Variants in LDLRAD4 observed in about 807,000 individuals in gnomAD.
The protein encoded by LDLRAD4 is low density lipoprotein receptor class A domain containing 4.
In LDLRAD4, 5 loss-of-function variants were observed where a neutral mutation model predicts 17.0. That is an observed-to-expected ratio of 0.29 (90% CI 0.15 to 0.62). The LOEUF is 0.62. LDLRAD4 is among the 20% of genes least tolerant of loss of function. LDLRAD4 has a pLI of 0.84. For synonymous variants in LDLRAD4, 168 were observed against 171.8 expected, an observed-to-expected ratio of 0.98 and a Z score of 0.17; for missense variants, 340 against 424.7, an observed-to-expected ratio of 0.80 and a Z score of 1.75.
chr18:13,443,293 A>G (rs901969023), intron 3 of LDLRAD4, among the ~76,000 whole-genome samples: 4 of 152,170 alleles, frequency 2.6e-5, no homozygotes, highest in African/African-American at 2.4e-5. Context: ...TGTAGGCACC[A>G]AGCTATGACT....
At chr18:13,595,728 G>C (rs1323298141) in intron 3 of LDLRAD4, among the ~76,000 whole-genome samples, 1 of 152,038 alleles carries the variant, frequency 6.6e-6, no homozygotes, top group African/African-American at 2.4e-5. Context: ...TTTTCTTTCT[G>C]TTATGATTTC....
At chr18:13,246,221 T>C (rs1052804654) in intron 1 of LDLRAD4, among the ~76,000 whole-genome samples, 4 of 152,080 alleles carry the variant, frequency 2.6e-5, no homozygotes, top group Non-Finnish European at 5.9e-5. Flanking sequence ...CTCCAGAGGT[T>C]TGGGTGGTCT....
At chr18:13,643,366 G>A (rs2042774324) in exon 5 of LDLRAD4, 2 of 1,451,082 alleles carry the variant, frequency 1.4e-6, no homozygotes, top group Non-Finnish European at 1.8e-6. Flanking sequence ...CAGGAAGGGT[G>A]CCTGTGGCCT....
intron 1 of LDLRAD4, among the ~76,000 whole-genome samples, chr18:13,341,029 A>G (rs988799220): frequency 1.3e-5 from 2 of 152,042 alleles, no homozygotes; most frequent in African/African-American, 4.8e-5. Context: ...AAATTGTTGT[A>G]TTGTATCTGT....
intron 3 of LDLRAD4, among the ~76,000 whole-genome samples, chr18:13,571,576 C>T (rs2094691159): frequency 6.6e-6 from 1 of 152,182 alleles, no homozygotes. Flanking sequence ...TGATACAATG[C>T]ATAGGCCAGT....
At chr18:13,495,941 C>T (rs952050060) in intron 3 of LDLRAD4, among the ~76,000 whole-genome samples, 7 of 152,300 alleles carry the variant, frequency 4.6e-5, no homozygotes, top group South Asian at 2.1e-4. Flanking sequence ...TTTCTTCCCA[C>T]GGATTTTTCA....
chr18:13,646,625 C>T (rs1375747960), exon 6 of LDLRAD4: 3 of 152,588 alleles, frequency 2.0e-5, no homozygotes, highest in Admixed American at 6.5e-5. Flanking sequence ...CAGTGCTGCC[C>T]TCATCCTCCA....
chr18:13,524,117 G>A (rs986380228), intron 3 of LDLRAD4, among the ~76,000 whole-genome samples: 2 of 152,190 alleles, frequency 1.3e-5, no homozygotes, highest in Admixed American at 6.5e-5. Context: ...CTTCCAGGTC[G>A]GGACCCCCGA....
At chr18:13,320,808 A>G (rs761952537) in intron 1 of LDLRAD4, among the ~76,000 whole-genome samples, 2 of 152,144 alleles carry the variant, frequency 1.3e-5, no homozygotes, top group African/African-American at 4.8e-5. Context: ...GAGTGTCACA[A>G]ATGCCCATGG....
intron 3 of LDLRAD4, among the ~76,000 whole-genome samples, chr18:13,610,305 T>TTTTTTTTTTTCTA (rs1491536129): frequency 1.2e-4 from 3 of 24,328 alleles, no homozygotes; most frequent in East Asian, 9.0e-4. Context: ...TTTTTTTTTT[T>TTTTTTTTTTTCTA]GAGACGGAGT....
rs755496113 is a variant in LDLRAD4, at chr18:13,609,518, C to CGT, written c.182-11589_182-11588dup. Among the ~76,000 whole-genome samples the CGT allele has an allele frequency of 8.7e-3, 1,021 of 117,498 alleles. 5 individuals carry two copies. The highest frequency in any genetic ancestry group is 0.03 in the African/African-American group (913 of 30,916). 77.1% of individuals were successfully genotyped at this position (117,498 alleles called of 152,430 possible). A position where few individuals can be genotyped will look rare whatever the true frequency, so the allele number is the denominator to read the frequency against. ...GACACCCACAGGAGCGCTCATTATG[C>CGT]GTGTGTGTGTGCGTGTGTGTGTGTG... On this transcript the variant is annotated intron_variant, in intron 3 of 5. Coordinates refer to ENST00000359446, the Ensembl canonical transcript of LDLRAD4.
intron 4 of LDLRAD4, chr18:13,642,146 T>A: frequency 3.0e-6 from 3 of 985,490 alleles, no homozygotes; most frequent in Non-Finnish European, 3.6e-6. Context: ...TTGCCACTGA[T>A]TCCAGGATGT....
chr18:13,241,855 A>T (rs1024580450), intron 1 of LDLRAD4: 7 of 152,286 alleles, frequency 4.6e-5, no homozygotes, highest in Non-Finnish European at 8.8e-5. Context: ...GATGACTGTC[A>T]TGTTGTCTCG....
chr18:13,523,479 C>T (rs981194969), intron 3 of LDLRAD4, among the ~76,000 whole-genome samples: 1 of 152,128 alleles, frequency 6.6e-6, no homozygotes, highest in Non-Finnish European at 1.5e-5. Flanking sequence ...TGAAGAGGAC[C>T]CCAGGCCTGG....
chr18:13,608,630 A>G (rs1240498905), intron 3 of LDLRAD4, among the ~76,000 whole-genome samples: 1 of 152,150 alleles, frequency 6.6e-6, no homozygotes, highest in Non-Finnish European at 1.5e-5. Flanking sequence ...TTGGCCATTC[A>G]GGACAGCAAG....
intron 1 of LDLRAD4, among the ~76,000 whole-genome samples, chr18:13,279,118 C>G (rs7236845): frequency 0.011 from 1,711 of 152,326 alleles, 37 homozygotes; most frequent in African/African-American, 0.039. Context: ...TTTCTCTCCT[C>G]TCTCCTGAGT....
intron 3 of LDLRAD4, among the ~76,000 whole-genome samples, chr18:13,499,675 G>A (rs751386528): frequency 3.5e-5 from 5 of 140,930 alleles, no homozygotes; most frequent in African/African-American, 8.1e-5. Flanking sequence ...CGCCGCACAC[G>A]TCCTGCCATG....
At chr18:13,513,551 T>C (rs2093815788) in intron 3 of LDLRAD4, among the ~76,000 whole-genome samples, 1 of 152,230 alleles carries the variant, frequency 6.6e-6, no homozygotes. Flanking sequence ...CGTGGGGAGC[T>C]GGATCCTCAG....
rs1010407140 is a variant in LDLRAD4, at chr18:13,621,888, C to T, written c.336+617C>T. On this transcript the variant is annotated intron_variant, in intron 4 of 5. Transcript: ENST00000359446. The surrounding 1 kb of genome is among the most constrained non-coding windows in gnomAD (Gnocchi z 5.5). Reference sequence around the variant, plus strand: ...GGGTTGTGGAGGGTGGGGTTGTCGGCGGTGGACCCTCAAGCCAAACTGCAC... The same window carrying T: ...GGGTTGTGGAGGGTGGGGTTGTCGGTGGTGGACCCTCAAGCCAAACTGCAC... 2.0e-5 allele frequency among the ~76,000 whole-genome samples: 3 copies of T among 151,888 alleles called. No individual in the cohort carries two copies. The highest frequency in any genetic ancestry group is 2.1e-4 in the South Asian group (1 of 4,808).
Sources: allele counts gnomAD v4.1 joint callset (sites outside exome capture counted in the v4.1 genomes callset), GRCh38; gene constraint gnomAD v4.1.1; non-coding constraint Gnocchi (gnomAD v3.1); transcripts MANE v1.5; gene names NCBI Gene and HGNC (gene_info 2026-07-23, HGNC 2026-07-21).